LMTK2: variants seen among roughly 807,000 people sequenced by gnomAD.
The protein encoded by LMTK2 is lemur tail kinase 2.
LMTK2 carries 37 observed loss-of-function variants against 127.5 expected under a neutral mutation model. The observed-to-expected ratio is 0.29, with a 90% CI of 0.22 to 0.38. The LOEUF (loss-of-function observed/expected upper bound fraction) is 0.38. LMTK2 is among the 10% of genes least tolerant of loss of function. The pLI is 1.00. For synonymous variants in LMTK2, 819 were observed against 810.1 expected, an observed-to-expected ratio of 1.01 and a Z score of -0.19; for missense variants, 1,694 against 1,920.3, an observed-to-expected ratio of 0.88 and a Z score of 2.20.
chr7:98,117,075 G>A (rs11768678), intron 1 of LMTK2, among the ~76,000 whole-genome samples: 31,033 of 152,160 alleles, frequency 0.2, 3,450 homozygotes, highest in South Asian at 0.38. Context: ...GCTGAGTAGT[G>A]TTTGTCAGCT....
intron 3 of LMTK2, among the ~76,000 whole-genome samples, chr7:98,150,200 C>T (rs1366789528): frequency 1.3e-5 from 2 of 150,854 alleles, no homozygotes; most frequent in South Asian, 2.1e-4. Flanking sequence ...CCCAGCTACT[C>T]GGGAGGCTGA....
rs35912712 is a variant in LMTK2 at position 98,194,123 on chromosome 7, G to A, written c.3658G>A (p.Asp1220Asn). 316 of 1,614,074 alleles carry A rather than the reference G, an allele frequency of 2.0e-4. 1 individual carries two copies. In the East Asian group the frequency reaches 6.1e-3, roughly 31 times the overall value. The part of the protein sequence containing the change: ...SSGDDFETQD[D>N]RPCTLASTGT... ...CGGCGATGACTTCGAGACACAGGAC[G>A]ATCGCCCCTGCACCCTCGCTTCCAC... Residue 1220 changes from aspartate to asparagine, a missense_variant, in exon 11 of 14, where the codon GAT becomes AAT. Asp to Asn is a conservative substitution (Grantham distance 23). Coordinates refer to ENST00000297293, the MANE Select transcript of LMTK2 (RefSeq NM_014916.4). This position sits in a 1 kb window ranked among gnomAD's most constrained non-coding sequence, Gnocchi z 5.4.
chr7:98,175,716 A>G (rs1378151814), intron 7 of LMTK2, among the ~76,000 whole-genome samples: 5 of 152,228 alleles, frequency 3.3e-5, no homozygotes, highest in Non-Finnish European at 5.9e-5. Flanking sequence ...CCCATGATGT[A>G]TGTCACACAG....
Position 98,191,688 on chromosome 7 carries a change from C to T in LMTK2, c.1223C>T (p.Thr408Ile). ...GCTGAAGATGTGCACAGGCTGCTGACTTACCTGCGGCTGCAGAGCCAGCGG... is the reference window on the plus strand; with the variant it reads ...GCTGAAGATGTGCACAGGCTGCTGATTTACCTGCGGCTGCAGAGCCAGCGG... ...PAAEDVHRLL[T>I]YLRLQSQRDS... The change falls in exon 11 of 14, where the codon ACT becomes ATT. Residue 408 changes from threonine to isoleucine, a missense_variant. Thr to Ile is a moderately conservative substitution (Grantham distance 89). This residue lies in a region of LMTK2 where 216 missense variants were observed against 266.8 expected (regional missense o/e 0.81). Coordinates refer to ENST00000297293, the MANE Select transcript of LMTK2 (RefSeq NM_014916.4). 1 of 1,614,212 alleles carries T rather than the reference C, an allele frequency of 6.2e-7. No homozygotes were observed.
In LMTK2 at chr7:98,193,413, T is replaced by C. The variant is rs773528886; in HGVS notation, c.2948T>C (p.Leu983Ser). The C allele has an allele frequency of 6.2e-7, 1 of 1,614,120 alleles. No individual in the cohort carries two copies. Among genetic ancestry groups the C allele is most frequent in the Admixed American group, 1.7e-5 (1 of 60,008 alleles). Reference sequence around the variant, plus strand: ...CAGGACAGCCTCCTGGAGGACAGCTTGTCAGCACCCTTCCCAGCCTCTGAG... The same window carrying C: ...CAGGACAGCCTCCTGGAGGACAGCTCGTCAGCACCCTTCCCAGCCTCTGAG... Reference protein sequence around the residue: ...TSQDSLLEDSLSAPFPASEPS... With the variant: ...TSQDSLLEDSSSAPFPASEPS... Residue 983 changes from leucine to serine, a missense_variant, in exon 11 of 14, where the codon TTG (leucine) becomes TCG (serine). Coordinates refer to ENST00000297293, the MANE Select transcript of LMTK2 (RefSeq NM_014916.4). This position sits in a 1 kb window ranked among gnomAD's most constrained non-coding sequence, Gnocchi z 4.1.
intron 8 of LMTK2, among the ~76,000 whole-genome samples, chr7:98,185,756 C>A (rs62479804): frequency 0.018 from 2,642 of 149,572 alleles, 33 homozygotes; most frequent in Non-Finnish European, 0.026. Flanking sequence ...TAAACGGAGT[C>A]TTGCTATATT....
Position 98,192,467 on chromosome 7 carries a change from A to G in LMTK2, c.2002A>G (p.Thr668Ala), listed in dbSNP as rs765271331. Residue 668 changes from threonine (T) to alanine (A), a missense_variant, in exon 11 of 14, where the codon ACT (threonine) becomes GCT (alanine). By Grantham distance (58) the Thr-to-Ala change is moderately conservative (BLOSUM62 0). Transcript: ENST00000297293. ...NGVQADFKPA[T>A]LSSSLDNPKE... Reference sequence around the variant, plus strand: ...AGTTCAAGCCGACTTTAAACCTGCCACTTTAAGTTCCAGTTTGGATAACCC... The same window carrying G: ...AGTTCAAGCCGACTTTAAACCTGCCGCTTTAAGTTCCAGTTTGGATAACCC... 2 of 1,611,546 alleles carry G rather than the reference A, an allele frequency of 1.2e-6. No individual in the cohort carries two copies. Among genetic ancestry groups the G allele is most frequent in the South Asian group, 2.2e-5 (2 of 90,282 alleles).
At chr7:98,179,665 A>G (rs1011781025) in intron 7 of LMTK2, among the ~76,000 whole-genome samples, 1 of 132,286 alleles carries the variant, frequency 7.6e-6, no homozygotes, top group African/African-American at 2.9e-5. Flanking sequence ...CTTAATTCCA[A>G]GAAATGGGGA....
chr7:98,193,751 T>C lies in LMTK2; in HGVS notation c.3286T>C (p.Ser1096Pro). ...GACCCCTGAGACGTTCACAGCTGGC[T>C]CCCAGGGTTCATACCGAGACTCTGC... ...EVTPETFTAG[S>P]QGSYRDSAYF... The change falls in exon 11 of 14, where the codon TCC (serine) becomes CCC (proline). Residue 1096 changes from serine (S) to proline (P), a missense_variant. Physicochemically the swap from Ser to Pro is moderately conservative, Grantham distance 74 (BLOSUM62 -1). Coordinates refer to ENST00000297293, the MANE Select transcript of LMTK2 (RefSeq NM_014916.4). This position sits in a 1 kb window ranked among gnomAD's most constrained non-coding sequence, Gnocchi z 4.1. 1 of 1,613,696 alleles carries C rather than the reference T, an allele frequency of 6.2e-7. No homozygotes were observed. Among genetic ancestry groups the C allele is most frequent in the Non-Finnish European group, 8.5e-7 (1 of 1,179,980 alleles).
intron 1 of LMTK2, among the ~76,000 whole-genome samples, chr7:98,131,082 C>T (rs1412720719): frequency 2.0e-5 from 3 of 152,158 alleles, no homozygotes; most frequent in South Asian, 4.1e-4. Flanking sequence ...ATGCTGCCCC[C>T]GTCCACTTTC....
rs879123941 is a variant in LMTK2, at chr7:98,205,798, C to T, written c.*306C>T. 10 of 493,560 alleles carry T rather than the reference C, an allele frequency of 2.0e-5. No individual in the cohort carries two copies. In the South Asian group the frequency reaches 2.1e-4, roughly 10 times the overall value. The allele number at this position is 493,560 out of a possible 1,614,324, so 30.6% of individuals were successfully genotyped here. On this transcript the variant is annotated 3_prime_UTR_variant, in exon 14 of 14. Transcript: ENST00000297293. ...GAGGCAGGGGCACAGCCTCCATGTG[C>T]GCGCGCGTGTGGAGCTGTGTGCACC... is the stretch of plus-strand genomic sequence containing the variant.
At chr7:98,163,750 T>A (rs549234918) in intron 6 of LMTK2, among the ~76,000 whole-genome samples, 3 of 152,318 alleles carry the variant, frequency 2.0e-5, no homozygotes, top group Non-Finnish European at 2.9e-5. Context: ...GCTCCCAGCC[T>A]GGATGACCCA....
At chr7:98,186,576 A>G (rs559764703) in intron 8 of LMTK2, among the ~76,000 whole-genome samples, 28 of 152,190 alleles carry the variant, frequency 1.8e-4, no homozygotes, top group African/African-American at 5.8e-4. Context: ...CCCAGTATAT[A>G]TTGTTTTAGT....
intron 3 of LMTK2, among the ~76,000 whole-genome samples, chr7:98,145,898 G>C (rs76658219): frequency 4.6e-5 from 7 of 152,096 alleles, no homozygotes; most frequent in African/African-American, 1.4e-4. Context: ...CAAATCCCTG[G>C]TCAGGAAGAT....
chr7:98,171,954 C>T lies in LMTK2; in HGVS notation c.791+280C>T, dbSNP rs1584278546. 6.6e-6 allele frequency among the ~76,000 whole-genome samples: 1 copy of T among 152,242 alleles called. No homozygotes were observed. Among genetic ancestry groups the T allele is most frequent in the Non-Finnish European group, 1.5e-5 (1 of 68,042 alleles). On this transcript the variant is annotated intron_variant, in intron 7 of 13. Transcript: ENST00000297293. This position sits in a 1 kb window ranked among gnomAD's most constrained non-coding sequence, Gnocchi z 5.1. The stretch of plus-strand genomic sequence containing the variant: ...TGCCTCAGAGTTGGGAGTAAACAGT[C>T]CCGATCCACCGTATGACACCTCGCG...
At chr7:98,117,127 T>TA (rs139467556) in intron 1 of LMTK2, among the ~76,000 whole-genome samples, 1,854 of 152,332 alleles carry the variant, frequency 0.012, 44 homozygotes, top group African/African-American at 0.043. Context: ...CCCCATGGTG[T>TA]ACGAGTGCAG....
rs565295700 is a variant in LMTK2 at position 98,192,168 on chromosome 7, C to G, written c.1703C>G (p.Pro568Arg). 8 of 1,527,028 alleles carry G rather than the reference C, an allele frequency of 5.2e-6. No individual in the cohort carries two copies. The South Asian group carries it at 1.1e-4, about 20-fold the overall frequency. The allele number at this position is 1,527,028 out of a possible 1,614,324, so 94.6% of individuals were successfully genotyped here. A position where few individuals can be genotyped will look rare whatever the true frequency, so the allele number is the denominator to read the frequency against. ...KSGSNLELDY[P>R]PALLTTDMDN... The stretch of plus-strand genomic sequence containing the variant: ...GGTAGTAACTTGGAGCTTGATTACC[C>G]ACCAGCGCTGCTCACAACCGACATG... The change falls in exon 11 of 14, where the codon CCA becomes CGA. Residue 568 changes from proline to arginine, a missense_variant. This residue lies in a region of LMTK2 where 527 missense variants were observed against 539.8 expected (regional missense o/e 0.98). Transcript: ENST00000297293.
At position 98,171,694 on chromosome 7, in the gene LMTK2, G is replaced by A. The variant is rs763334285; in HGVS notation, c.791+20G>A. ...GCACAGGTGGGTACCTGCGTCAGCG[G>A]TGCACGCCCCACACAGCACCGGCGG... On this transcript the variant is annotated intron_variant, in intron 7 of 13. Transcript: ENST00000297293. This position sits in a 1 kb window ranked among gnomAD's most constrained non-coding sequence, Gnocchi z 5.1. The A allele has an allele frequency of 1.9e-6, 3 of 1,550,380 alleles. No individual in the cohort carries two copies. The South Asian group carries it at 3.7e-5, about 19-fold the overall frequency.
In LMTK2 at chr7:98,137,381, T is replaced by C. The variant is rs763126199; in HGVS notation, c.170T>C (p.Ile57Thr). 5 of 1,613,764 alleles carry C rather than the reference T, an allele frequency of 3.1e-6. No homozygotes were observed. In the African/African-American group the frequency reaches 5.3e-5, roughly 17 times the overall value. Residue 57 changes from isoleucine (I) to threonine (T), a missense_variant, in exon 2 of 14, where the codon ATA (isoleucine) becomes ACA (threonine). Ile to Thr is a moderately conservative substitution (Grantham distance 89). This residue lies in a region of LMTK2 where 76 missense variants were observed against 82.0 expected (regional missense o/e 0.93). Coordinates refer to ENST00000297293, the MANE Select transcript of LMTK2 (RefSeq NM_014916.4). ...ATCCTGTGTGTGTGCAGTTTAATAA[T>C]ATTAATAGTGTTAATTGCAAACTGT... The part of the protein sequence containing the change: ...FVILCVCSLI[I>T]LIVLIANCVS...
Sources: gnomAD v4.1 joint callset for allele counts (sites outside exome capture counted in the v4.1 genomes callset) on GRCh38, gnomAD v4.1.1 for gene constraint, gnomAD v4.1.1 regional missense constraint, Gnocchi (gnomAD v3.1) non-coding constraint, MANE v1.5 for transcripts, NCBI Gene and HGNC (gene_info 2026-07-23, HGNC 2026-07-21) for gene names.